CCDC171: variants seen among roughly 807,000 people sequenced by gnomAD.
The protein encoded by CCDC171 is coiled-coil domain-containing protein 171.
CCDC171 carries 177 observed loss-of-function variants against 168.2 expected under a neutral mutation model. The observed-to-expected ratio is 1.05, with a 90% CI of 0.93 to 1.19. The LOEUF (loss-of-function observed/expected upper bound fraction) is 1.19. CCDC171 is among the 50% of genes most tolerant of loss of function. The probability of loss-of-function intolerance (pLI) is 0.00; values close to 1 mark genes in which losing one functional copy is unlikely to be tolerated. For synonymous variants in CCDC171, 687 were observed against 540.8 expected (o/e 1.27, Z -3.75); for missense variants, 1,991 against 1,539.0 (o/e 1.29, Z -4.91).
chr9:15,862,410 A>G (rs1345703452), intron 23 of CCDC171, among the ~76,000 whole-genome samples: 1 of 150,530 alleles, frequency 6.6e-6, no homozygotes, highest in East Asian at 2.0e-4. Context: ...GTTCCTCTTA[A>G]GTTTTCTTAT....
At chr9:15,877,232 T>C (rs1483060832) in intron 24 of CCDC171, among the ~76,000 whole-genome samples, 1 of 151,854 alleles carries the variant, frequency 6.6e-6, no homozygotes, top group African/African-American at 2.4e-5. Context: ...TCCCCGAGAC[T>C]TGCAGTGGGA....
chr9:15,572,199 G>A (rs2040283519), intron 3 of CCDC171, among the ~76,000 whole-genome samples: 2 of 152,120 alleles, frequency 1.3e-5, no homozygotes, highest in African/African-American at 4.8e-5. Flanking sequence ...TTATTAGTAT[G>A]TATGTGTGTG....
chr9:15,919,709 A>G (rs1044365393), intron 24 of CCDC171, among the ~76,000 whole-genome samples: 1 of 151,628 alleles, frequency 6.6e-6, no homozygotes, highest in East Asian at 1.9e-4. Context: ...TAATTGTTTT[A>G]TTATGTATAG....
intron 18 of CCDC171, among the ~76,000 whole-genome samples, chr9:15,764,560 A>G (rs1305264875): frequency 6.6e-6 from 1 of 152,214 alleles, no homozygotes; most frequent in Admixed American, 6.5e-5. Context: ...AAATTGAAGC[A>G]AGAGTTACTG....
At chr9:15,614,654 C>A (rs1232445709) in intron 6 of CCDC171, among the ~76,000 whole-genome samples, 1 of 152,150 alleles carries the variant, frequency 6.6e-6, no homozygotes, top group East Asian at 1.9e-4. Flanking sequence ...ATACCCATTT[C>A]TCTTAGGTTG....
chr9:15,952,219 ATTCTG>A (rs1275602320), intron 25 of CCDC171, among the ~76,000 whole-genome samples: 2 of 152,150 alleles, frequency 1.3e-5, no homozygotes, highest in East Asian at 1.9e-4. Flanking sequence ...TGAGCTCTCT[ATTCTG>A]TTCTATTGGT....
intron 6 of CCDC171, among the ~76,000 whole-genome samples, chr9:15,617,192 G>A (rs1228306217): frequency 6.6e-6 from 1 of 152,130 alleles, no homozygotes; most frequent in Non-Finnish European, 1.5e-5. Flanking sequence ...TCTGCCAATT[G>A]CTCAATCTCA....
intron 24 of CCDC171, among the ~76,000 whole-genome samples, chr9:15,905,591 C>G (rs1369629362): frequency 1.3e-5 from 2 of 152,052 alleles, no homozygotes; most frequent in Non-Finnish European, 2.9e-5. Flanking sequence ...AAATTGACAT[C>G]CTAACATCAC....
chr9:15,905,572 A>T (rs9722631), intron 24 of CCDC171, among the ~76,000 whole-genome samples: 43,002 of 152,104 alleles, frequency 0.28, 6,168 homozygotes, highest in Admixed American at 0.34. Flanking sequence ...AGAAAGCAGG[A>T]AAGATCTAAA....
chr9:15,937,636 A>G (rs942537167), intron 25 of CCDC171, among the ~76,000 whole-genome samples: 4 of 152,010 alleles, frequency 2.6e-5, no homozygotes, highest in Non-Finnish European at 5.9e-5. Flanking sequence ...GGGGAGTTGA[A>G]CAACAAACAT....
chr9:15,908,359 C>T (rs925857331), intron 24 of CCDC171, among the ~76,000 whole-genome samples: 9 of 152,108 alleles, frequency 5.9e-5, no homozygotes, highest in South Asian at 2.1e-4. Flanking sequence ...TTTGTAGGGA[C>T]ATGGATGTAG....
intron 11 of CCDC171, among the ~76,000 whole-genome samples, chr9:15,716,674 A>G (rs2053111506): frequency 6.6e-6 from 1 of 152,180 alleles, no homozygotes; most frequent in Non-Finnish European, 1.5e-5. Flanking sequence ...GAGGGCCCTT[A>G]TGCTACATCA....
intron 15 of CCDC171, among the ~76,000 whole-genome samples, chr9:15,728,592 T>C (rs907157386): frequency 6.6e-6 from 1 of 152,154 alleles, no homozygotes; most frequent in Non-Finnish European, 1.5e-5. Flanking sequence ...TAGGAGAATA[T>C]AGTAGACCTT....
chr9:15,811,492 C>T (rs1410937155), intron 21 of CCDC171, among the ~76,000 whole-genome samples: 2 of 152,128 alleles, frequency 1.3e-5, no homozygotes, highest in East Asian at 3.9e-4. Flanking sequence ...TTAGTGGTAC[C>T]AGACCTCTGA....
chr9:15,746,154 T>G (rs114096032), intron 18 of CCDC171, among the ~76,000 whole-genome samples: 3,061 of 151,690 alleles, frequency 0.02, 100 homozygotes, highest in African/African-American at 0.071. Flanking sequence ...AAAATGCAAG[T>G]TTTTTTTTAT....
chr9:16,091,594 G>C, the CCDC171 span, among the ~76,000 whole-genome samples: 11 of 152,170 alleles, frequency 7.2e-5, no homozygotes, highest in Admixed American at 7.2e-4. Flanking sequence ...GAGGGGAACG[G>C]GAGAGTTGGG....
chr9:16,013,516 G>A (rs1832930772), intron 3 of CCDC171, among the ~76,000 whole-genome samples: 1 of 152,228 alleles, frequency 6.6e-6, no homozygotes, highest in African/African-American at 2.4e-5. Flanking sequence ...GCAGGAGCAT[G>A]TAGCATGCGC....
chr9:16,001,150 C>T (rs1433472547), intron 3 of CCDC171, among the ~76,000 whole-genome samples: 1 of 152,090 alleles, frequency 6.6e-6, no homozygotes, highest in Non-Finnish European at 1.5e-5. Context: ...GATTCAGTTG[C>T]CTAGAAAATC....
chr9:15,723,623 A>G (rs769956422), intron 12 of CCDC171, 58 bp from the exon 13 acceptor site: 1 of 1,273,836 alleles, frequency 7.9e-7, no homozygotes, highest in South Asian at 1.3e-5. Flanking sequence ...TCCTTGAAAA[A>G]TGTAAAAAAG....
Sources: allele counts gnomAD v4.1 joint callset (sites outside exome capture counted in the v4.1 genomes callset), GRCh38; gene constraint gnomAD v4.1.1; transcripts MANE v1.5; gene names NCBI Gene and HGNC (gene_info 2026-07-23, HGNC 2026-07-21).